The following TTLL9 variants were observed in gnomAD, a reference collection of about 807,000 sequenced individuals.
The protein encoded by TTLL9 is probable tubulin polyglutamylase TTLL9.
In TTLL9, 47 loss-of-function variants were observed where a neutral mutation model predicts 65.6. The ratio of observed to expected loss-of-function variants is 0.72; its 90% CI spans 0.57 to 0.91. The LOEUF is 0.91. Among genes scored for constraint, TTLL9 ranks in the 40% least tolerant of loss-of-function variants. TTLL9 has a pLI of 0.00. For missense variants in TTLL9, 537 were observed against 568.8 expected, an observed-to-expected ratio of 0.94 and a Z score of 0.57; for synonymous variants, 179 against 204.8, an observed-to-expected ratio of 0.87 and a Z score of 1.07.
Position 31,908,588 on chromosome 20 carries a change from C to T in TTLL9, c.207-3C>T. On this transcript the variant is annotated splice_region_variant and splice_polypyrimidine_tract_variant and intron_variant, in intron 4 of 14. Coordinates refer to ENST00000535842, the MANE Select transcript of TTLL9 (RefSeq NM_001008409.5). Reference sequence around the variant, plus strand: ...TTTATCCCCGCCCCCACCCCACCCCCAGCGAAGGGGAGTGGGATTTCTACT... The same window carrying T: ...TTTATCCCCGCCCCCACCCCACCCCTAGCGAAGGGGAGTGGGATTTCTACT... 6.2e-7 allele frequency: 1 copy of T among 1,612,410 alleles called. No individual in the cohort carries two copies.
At chr20:31,877,674 T>A (rs1206108324) in intron 2 of TTLL9, among the ~76,000 whole-genome samples, 1 of 152,210 alleles carries the variant, frequency 6.6e-6, no homozygotes, top group Non-Finnish European at 1.5e-5. Context: ...TTTTCCCCAG[T>A]GATTTATAAT....
At chr20:31,920,992 G>A (rs2063808025) in intron 7 of TTLL9, among the ~76,000 whole-genome samples, 1 of 152,220 alleles carries the variant, frequency 6.6e-6, no homozygotes, top group Non-Finnish European at 1.5e-5. Context: ...TGGGCTGGCA[G>A]GTAGAGAAGA....
At chr20:31,913,303 A>G (rs766292612) in intron 6 of TTLL9, among the ~76,000 whole-genome samples, 9 of 152,330 alleles carry the variant, frequency 5.9e-5, no homozygotes, top group Non-Finnish European at 1.3e-4. Flanking sequence ...TGAGGGTGCT[A>G]CTGGTCTGAG....
rs1347718605 is a variant in TTLL9, at chr20:31,920,938, G to A, written c.573+1006G>A. Among the ~76,000 whole-genome samples, 6 of 152,250 alleles carry A rather than the reference G, an allele frequency of 3.9e-5. No homozygotes were observed. In the South Asian group the frequency reaches 8.3e-4, roughly 21 times the overall value. On this transcript the variant is annotated intron_variant, in intron 7 of 14. Coordinates refer to ENST00000535842, the MANE Select transcript of TTLL9 (RefSeq NM_001008409.5). ...GGTGGGAGAGGTGTTTGCAACCTGC[G>A]AGGTGCTGTGCAGATGCATGAGAGC...
intron 10 of TTLL9, among the ~76,000 whole-genome samples, chr20:31,930,414 C>T (rs925759978): frequency 1.4e-4 from 21 of 152,160 alleles, no homozygotes; most frequent in Admixed American, 1.1e-3. Flanking sequence ...CCCCCATTTG[C>T]GTGCCTTTGA....
At chr20:31,895,896 G>T (rs1220488532) in intron 3 of TTLL9, among the ~76,000 whole-genome samples, 4 of 151,748 alleles carry the variant, frequency 2.6e-5, no homozygotes, top group Non-Finnish European at 4.4e-5. Flanking sequence ...CTGGAGTGCA[G>T]TGGCACAGTC....
intron 2 of TTLL9, among the ~76,000 whole-genome samples, chr20:31,877,071 G>T (rs2063047259): frequency 6.6e-6 from 1 of 152,276 alleles, no homozygotes; most frequent in South Asian, 2.1e-4. Flanking sequence ...TGAGGGTGGG[G>T]TTATCTTTTC....
At chr20:31,878,653 T>A (rs183714164) in intron 2 of TTLL9, among the ~76,000 whole-genome samples, 18 of 152,284 alleles carry the variant, frequency 1.2e-4, no homozygotes, top group Non-Finnish European at 2.9e-5. Context: ...CTCCCTGAAT[T>A]CCTTCCCCAT....
At chr20:31,877,606 T>A (rs1052564657) in intron 2 of TTLL9, among the ~76,000 whole-genome samples, 2 of 152,206 alleles carry the variant, frequency 1.3e-5, no homozygotes, top group Non-Finnish European at 2.9e-5. Context: ...TAATTAGGCA[T>A]CTATTTTTCA....
chr20:31,887,795 G>T (rs1396373538), intron 3 of TTLL9, among the ~76,000 whole-genome samples: 2 of 152,084 alleles, frequency 1.3e-5, no homozygotes, highest in African/African-American at 4.8e-5. Context: ...GTTAGAGGAG[G>T]TAGTTTACAT....
At chr20:31,873,940 C>A (rs1013743243) in intron 2 of TTLL9, among the ~76,000 whole-genome samples, 1 of 152,152 alleles carries the variant, frequency 6.6e-6, no homozygotes, top group Non-Finnish European at 1.5e-5. Flanking sequence ...ATGGCCCTGG[C>A]CTTAGCAGCT....
chr20:31,911,447 C>T (rs1292292668), intron 6 of TTLL9, among the ~76,000 whole-genome samples: 1 of 152,176 alleles, frequency 6.6e-6, no homozygotes, highest in African/African-American at 2.4e-5. Flanking sequence ...TAGCCAATAA[C>T]ACAGGTGCTT....
At position 31,908,605 on chromosome 20, in the gene TTLL9, A is replaced by G; in HGVS notation, c.221A>G (p.Asp74Gly). ...WVEVKDEGEW[D>G]FYWCDVSWLR... The stretch of plus-strand genomic sequence containing the variant: ...CCCACCCCCAGCGAAGGGGAGTGGG[A>G]TTTCTACTGGTGTGACGTCAGCTGG... The change falls in exon 5 of 15, where the codon GAT becomes GGT. Residue 74 changes from aspartate to glycine, a missense_variant. Asp to Gly is a moderately conservative substitution (Grantham distance 94). Around this residue, in one of 3 missense-constraint regions of TTLL9, gnomAD observed 320 missense variants for 311.0 expected, o/e 1.03. Transcript: ENST00000535842. The G allele has an allele frequency of 1.3e-6, 2 of 1,576,092 alleles. No homozygotes were observed. The highest frequency in any genetic ancestry group is 1.7e-6 in the Non-Finnish European group (2 of 1,149,270).
At chr20:31,906,789 C>T (rs1244158872) in intron 4 of TTLL9, among the ~76,000 whole-genome samples, 1 of 152,098 alleles carries the variant, frequency 6.6e-6, no homozygotes, top group Non-Finnish European at 1.5e-5. Flanking sequence ...GCTGGGACTA[C>T]AGGTGCATGC....
chr20:31,890,684 T>A (rs1405497302), intron 3 of TTLL9, among the ~76,000 whole-genome samples: 2 of 152,088 alleles, frequency 1.3e-5, no homozygotes, highest in Admixed American at 6.5e-5. Context: ...GTGGGCTGAA[T>A]CCCCCAGGGA....
At chr20:31,917,703 C>T (rs1405655038) in intron 6 of TTLL9, among the ~76,000 whole-genome samples, 1 of 151,432 alleles carries the variant, frequency 6.6e-6, no homozygotes, top group Non-Finnish European at 1.5e-5. Flanking sequence ...TTTAACTATT[C>T]TCAGGTAGTA....
Position 31,898,490 on chromosome 20 carries a change from T to G in TTLL9, c.131T>G (p.Ile44Ser), listed in dbSNP as rs757826475. 16 of 1,614,074 alleles carry G rather than the reference T, an allele frequency of 9.9e-6. No homozygotes were observed. The highest frequency in any genetic ancestry group is 3.3e-5 in the Admixed American group (2 of 60,006). Residue 44 changes from isoleucine to serine, a missense_variant, in exon 4 of 15, where the codon ATC becomes AGC. Ile to Ser is a moderately radical substitution (Grantham distance 142, BLOSUM62 -2). This residue lies in a region of TTLL9 where 320 missense variants were observed against 311.0 expected (regional missense o/e 1.03). Coordinates refer to ENST00000535842, the MANE Select transcript of TTLL9 (RefSeq NM_001008409.5). ...TCTTGCAGAGAGCAGAGAGCATCGA[T>G]CCGGTTCAAGACCACCCTCATGAAC... ...KGKEREQRAS[I>S]RFKTTLMNTL...
At chr20:31,924,932 G>T (rs2123578341) in intron 8 of TTLL9, 77 bp from the exon 9 acceptor site, 1 of 1,537,038 alleles carries the variant, frequency 6.5e-7, no homozygotes, top group Non-Finnish European at 8.9e-7. Flanking sequence ...TCTGTCCACT[G>T]CTATTTTCCC....
intron 6 of TTLL9, 109 bp downstream of exon 6, chr20:31,910,031 T>C (rs1205072965): frequency 8.1e-6 from 9 of 1,115,030 alleles, no homozygotes; most frequent in Non-Finnish European, 1.2e-5. Flanking sequence ...GCTGTCTGCC[T>C]TCCCGAAGGG....
Sources: allele counts gnomAD v4.1 joint callset (sites outside exome capture counted in the v4.1 genomes callset), GRCh38; gene constraint gnomAD v4.1.1; regional missense constraint gnomAD v4.1.1; transcripts MANE v1.5; gene names NCBI Gene and HGNC (gene_info 2026-07-23, HGNC 2026-07-21).